The following TMEM164 variants were observed in gnomAD, a reference collection of about 807,000 sequenced individuals.
The protein encoded by TMEM164 is RP13-360B22.2.
Under a neutral mutation model 18.8 loss-of-function variants are expected in TMEM164, and 4 were observed. The ratio of observed to expected loss-of-function variants is 0.21; its 90% CI spans 0.10 to 0.49. The LOEUF is 0.49. Ranked by LOEUF, TMEM164 falls within the 20% of genes least tolerant of loss-of-function variation. The pLI is 0.98. For missense variants in TMEM164, 108 were observed against 239.9 expected (o/e 0.45, Z 3.63); for synonymous variants, 86 against 101.7 (o/e 0.85, Z 0.93).
chrX:110,176,684 G>T lies in TMEM164; in HGVS notation c.*3233G>T, dbSNP rs140137173. ...GAGCAAGTTGTCAGCAGGTCTCTGT[G>T]CACTGGTATTGGGGCAGGGCAGTGC... On this transcript the variant is annotated 3_prime_UTR_variant, in exon 7 of 7. Coordinates refer to ENST00000372068, the MANE Select transcript of TMEM164 (RefSeq NM_032227.4). 533 of 112,029 alleles carry T rather than the reference G, an allele frequency of 4.8e-3. 5 individuals are homozygous for T. The highest frequency in any genetic ancestry group is 0.017 in the African/African-American group (505 of 30,520). 9.2% of individuals were successfully genotyped at this position (112,029 alleles called of 1,213,427 possible).
At chrX:110,156,555 A>G (rs971224632) in intron 5 of TMEM164, among the ~76,000 whole-genome samples, 11 of 111,597 alleles carry the variant, frequency 9.9e-5, no homozygotes, top group African/African-American at 3.6e-4. Flanking sequence ...AAGAGGGCGC[A>G]GAAGGAAGGA....
At chrX:110,135,309 T>C (rs2066674335) in intron 4 of TMEM164, among the ~76,000 whole-genome samples, 1 of 111,729 alleles carries the variant, frequency 9.0e-6, no homozygotes, top group Non-Finnish European at 1.9e-5. Context: ...TGTACCTCCT[T>C]AACAACAACA....
rs897380598 is a variant in TMEM164 at position 110,095,578 on chromosome X, G to A, written c.441-13502G>A. On this transcript the variant is annotated intron_variant, in intron 3 of 6. Coordinates refer to ENST00000372068, the MANE Select transcript of TMEM164 (RefSeq NM_032227.4). ...CACTGTTTATTCTAGTTAGCCATTC[G>A]TCTAATCTTTTTTCAAGGTTTTTAG... Among the ~76,000 whole-genome samples, 13 of 111,710 alleles carry A rather than the reference G, an allele frequency of 1.2e-4. 1 individual carries two copies. In the Admixed American group the frequency reaches 1.2e-3, roughly 11 times the overall value.
chrX:110,019,783 G>A (rs1025733950), intron 2 of TMEM164, among the ~76,000 whole-genome samples: 2 of 112,087 alleles, frequency 1.8e-5, no homozygotes, highest in African/African-American at 6.5e-5. Context: ...ACTAGGGATG[G>A]CACATAGATA....
At chrX:110,105,658 A>G (rs768122979) in intron 3 of TMEM164, among the ~76,000 whole-genome samples, 1 of 104,785 alleles carries the variant, frequency 9.5e-6, no homozygotes, top group South Asian at 4.4e-4. Context: ...GCAGTCTGAT[A>G]CATACACACA....
intron 4 of TMEM164, among the ~76,000 whole-genome samples, chrX:110,138,960 A>G (rs762329835): frequency 8.9e-6 from 1 of 111,968 alleles, no homozygotes; most frequent in South Asian, 3.8e-4. Context: ...GTAGGAATGA[A>G]AATGTGATTG....
chrX:110,147,834 G>T (rs778799295), intron 5 of TMEM164, among the ~76,000 whole-genome samples: 1 of 110,466 alleles, frequency 9.1e-6, no homozygotes, highest in Admixed American at 9.7e-5. Context: ...TTGTTTTCCC[G>T]TAAAGCTCCT....
At chrX:110,085,740 A>G (rs1569321694) in intron 3 of TMEM164, among the ~76,000 whole-genome samples, 1 of 111,515 alleles carries the variant, frequency 9.0e-6, no homozygotes, top group Non-Finnish European at 1.9e-5. Context: ...CAGATAAACT[A>G]TGTGAAACAG....
chrX:110,101,763 T>G (rs1227121402), intron 3 of TMEM164, among the ~76,000 whole-genome samples: 2 of 108,364 alleles, frequency 1.8e-5, no homozygotes, highest in Non-Finnish European at 3.8e-5. Flanking sequence ...AAATTTTTTT[T>G]GTAGAGACAA....
chrX:110,132,613 T>C (rs1000807003), intron 4 of TMEM164, among the ~76,000 whole-genome samples: 1 of 112,121 alleles, frequency 8.9e-6, no homozygotes, highest in African/African-American at 3.2e-5. Flanking sequence ...GGTAGTTTTC[T>C]GGTACTTGCT....
intron 3 of TMEM164, among the ~76,000 whole-genome samples, chrX:110,096,995 G>A (rs111744455): frequency 5.6e-4 from 63 of 111,843 alleles, no homozygotes; most frequent in Non-Finnish European, 1.0e-3. Context: ...TCTGGACTCC[G>A]GGATGGTAGA....
At chrX:110,080,463 G>T (rs149942945) in intron 3 of TMEM164, among the ~76,000 whole-genome samples, 1 of 111,112 alleles carries the variant, frequency 9.0e-6, no homozygotes, top group East Asian at 2.8e-4. Context: ...TCATTGATAC[G>T]GTCTGATAAA....
At chrX:110,033,488 A>G (rs1934613365) in intron 2 of TMEM164, among the ~76,000 whole-genome samples, 1 of 112,189 alleles carries the variant, frequency 8.9e-6, no homozygotes, top group Admixed American at 9.4e-5. Context: ...ATGAGTAAAC[A>G]GTCATTTGTA....
intron 5 of TMEM164, 134 bp from the exon 6 acceptor site, chrX:110,171,284 CTT>C (rs2067227446): frequency 1.8e-5 from 9 of 495,032 alleles, no homozygotes; most frequent in Non-Finnish European, 3.2e-5. Flanking sequence ...GGGGCTGTCT[CTT>C]GAGTAGTTGC....
chrX:110,031,140 G>A (rs1286726807), intron 2 of TMEM164, among the ~76,000 whole-genome samples: 2 of 111,554 alleles, frequency 1.8e-5, no homozygotes, highest in African/African-American at 3.3e-5. Flanking sequence ...CCACTTATGA[G>A]TGAGAACATG....
chrX:110,060,654 A>T lies in TMEM164; in HGVS notation c.391-6693A>T, dbSNP rs749573590. 5.4e-5 allele frequency among the ~76,000 whole-genome samples: 6 copies of T among 111,693 alleles called. No homozygotes were observed. In the South Asian group the frequency reaches 2.2e-3, roughly 42 times the overall value. On this transcript the variant is annotated intron_variant, in intron 2 of 6. Coordinates refer to ENST00000372068, the MANE Select transcript of TMEM164 (RefSeq NM_032227.4). ...ACAAATGTCCCTTTTCTGTTGCAGG[A>T]TCTATTTAGGATCCTTAATTGCATT...
chrX:110,120,468 T>C lies in TMEM164; in HGVS notation c.507+11322T>C, dbSNP rs146090356. On this transcript the variant is annotated intron_variant, in intron 4 of 6. Coordinates refer to ENST00000372068, the MANE Select transcript of TMEM164 (RefSeq NM_032227.4). ...ACACTCATTTAAAAATTTTACATCA[T>C]TTTATTTTTGGCACCTAATAATTGC... is the stretch of plus-strand genomic sequence containing the variant. 8.0e-3 allele frequency among the ~76,000 whole-genome samples: 895 copies of C among 112,080 alleles called. 11 individuals are homozygous for C. The highest frequency in any genetic ancestry group is 0.028 in the African/African-American group (859 of 30,887).
chrX:110,084,379 T>TATATATATATATTATAGTATATATATATA (rs1228632082), intron 3 of TMEM164, among the ~76,000 whole-genome samples: 1 of 35,648 alleles, frequency 2.8e-5, no homozygotes, highest in Non-Finnish European at 4.0e-5. Context: ...ATATATATAG[T>TATATATATATATTATAGTATATATATATA]GTATATATAT....
In TMEM164 at chrX:110,038,237, C is replaced by T. The variant is rs186556104; in HGVS notation, c.391-29110C>T. Among the ~76,000 whole-genome samples, 7 of 110,816 alleles carry T rather than the reference C, an allele frequency of 6.3e-5. No homozygotes were observed. In the East Asian group the frequency reaches 2.0e-3, roughly 31 times the overall value. On this transcript the variant is annotated intron_variant, in intron 2 of 6. Transcript: ENST00000372068. Reference sequence around the variant, plus strand: ...CGATCTCCTGACCTCGTGATCCGCCCGCCTCGGCCTCCCAAAGTGCTGGGA... The same window carrying T: ...CGATCTCCTGACCTCGTGATCCGCCTGCCTCGGCCTCCCAAAGTGCTGGGA...
Sources: gnomAD v4.1 joint callset for allele counts (sites outside exome capture counted in the v4.1 genomes callset) on GRCh38, gnomAD v4.1.1 for gene constraint, MANE v1.5 for transcripts, NCBI Gene and HGNC (gene_info 2026-07-23, HGNC 2026-07-21) for gene names.